The following AIG1 variants were observed in gnomAD, a reference collection of about 807,000 sequenced individuals.
AIG1 encodes the protein androgen induced 1.
Under a neutral mutation model 31.4 loss-of-function variants are expected in AIG1, and 23 were observed. The observed-to-expected ratio is 0.73, with a 90% CI of 0.53 to 1.04. The LOEUF is 1.04. Ranked by LOEUF, AIG1 falls within the 50% of genes least tolerant of loss-of-function variation. The pLI is 0.00. For missense variants in AIG1, 274 were observed against 295.0 expected (o/e 0.93, Z 0.52); for synonymous variants, 100 against 110.5 (o/e 0.90, Z 0.60).
At chr6:143,108,542 T>C (rs1781007751) in intron 1 of AIG1, among the ~76,000 whole-genome samples, 1 of 152,154 alleles carries the variant, frequency 6.6e-6, no homozygotes, top group Non-Finnish European at 1.5e-5. Flanking sequence ...ACTTAACAAC[T>C]TCAGCTGGGA....
intron 3 of AIG1, among the ~76,000 whole-genome samples, chr6:143,278,794 C>T (rs1033523905): frequency 6.6e-6 from 1 of 152,134 alleles, no homozygotes; most frequent in Admixed American, 6.6e-5. Context: ...TTTAGTGCCC[C>T]TCTATACTTA....
chr6:143,188,657 T>C, intron 3 of AIG1: 1 of 984,400 alleles, frequency 1.0e-6, no homozygotes, highest in Non-Finnish European at 1.2e-6. Context: ...TTTTAACAAA[T>C]AATAAATAAA....
rs924677114 is a variant in AIG1, at chr6:143,326,353, C to T, written c.516-6929C>T. Among the ~76,000 whole-genome samples the T allele has an allele frequency of 6.6e-6, 1 of 152,084 alleles. No homozygotes were observed. The highest frequency in any genetic ancestry group is 2.1e-4 in the South Asian group (1 of 4,828). On this transcript the variant is annotated intron_variant, in intron 4 of 5. Coordinates refer to ENST00000357847, the MANE Select transcript of AIG1 (RefSeq NM_016108.4). The surrounding 1 kb of genome is among the most constrained non-coding windows in gnomAD (Gnocchi z 4.5). ...TCTTGTTCTCAGTTCTTTAGACATG[C>T]CTTTTTTTGGCTAGAAAGTTCTTTC... is the stretch of plus-strand genomic sequence containing the variant.
chr6:143,300,969 T>A lies in AIG1; in HGVS notation c.515+16744T>A, dbSNP rs368330453. Among the ~76,000 whole-genome samples, 23 of 152,162 alleles carry A rather than the reference T, an allele frequency of 1.5e-4. No individual in the cohort carries two copies. In the East Asian group the frequency reaches 4.2e-3, roughly 28 times the overall value. Reference sequence around the variant, plus strand: ...TTTTTATTTTTATTTTATTTATTTCTTTTTTTTGAGACGGAGTCTCGCTCT... The same window carrying A: ...TTTTTATTTTTATTTTATTTATTTCATTTTTTTGAGACGGAGTCTCGCTCT... On this transcript the variant is annotated intron_variant, in intron 4 of 5. Transcript: ENST00000357847.
At chr6:143,151,021 A>C (rs1785178259) in intron 2 of AIG1, among the ~76,000 whole-genome samples, 1 of 152,232 alleles carries the variant, frequency 6.6e-6, no homozygotes, top group Non-Finnish European at 1.5e-5. Flanking sequence ...GCTCTCAAAC[A>C]GAAAGATTGC....
At chr6:143,235,720 T>C (rs957619477) in intron 3 of AIG1, among the ~76,000 whole-genome samples, 5 of 152,218 alleles carry the variant, frequency 3.3e-5, no homozygotes, top group African/African-American at 4.8e-5. Context: ...TTACGTGACA[T>C]GGATGCCTTC....
chr6:143,131,741 C>T lies in AIG1; in HGVS notation c.142-5094C>T, dbSNP rs116857597. Among the ~76,000 whole-genome samples the T allele has an allele frequency of 2.6e-4, 39 of 152,314 alleles. No homozygotes were observed. The East Asian group carries it at 4.2e-3, about 17-fold the overall frequency. On this transcript the variant is annotated intron_variant, in intron 1 of 5. Transcript: ENST00000357847. ...AGTAGATCTTTTCTTTTGGCCTCCACGTAAGGGCCTAGCTTGGCCAACACA... is the reference window on the plus strand; with the variant it reads ...AGTAGATCTTTTCTTTTGGCCTCCATGTAAGGGCCTAGCTTGGCCAACACA...
chr6:143,255,745 C>G (rs1203486979), intron 3 of AIG1, among the ~76,000 whole-genome samples: 1 of 151,926 alleles, frequency 6.6e-6, no homozygotes, highest in Admixed American at 6.6e-5. Flanking sequence ...GGATCACACT[C>G]TATGGAAATT....
chr6:143,315,807 CTCAGCCAT>C (rs1355170482), intron 4 of AIG1, among the ~76,000 whole-genome samples: 4 of 152,016 alleles, frequency 2.6e-5, no homozygotes, highest in Non-Finnish European at 4.4e-5. Context: ...ATCCACTTGA[CTCAGCCAT>C]GAGCAAAGGT....
chr6:143,151,119 A>T (rs1287826864), intron 2 of AIG1, among the ~76,000 whole-genome samples: 1 of 152,180 alleles, frequency 6.6e-6, no homozygotes, highest in Non-Finnish European at 1.5e-5. Context: ...CACTTTATTT[A>T]TACAGCATAG....
chr6:143,175,015 T>G (rs1411804541), intron 3 of AIG1, among the ~76,000 whole-genome samples: 1 of 152,258 alleles, frequency 6.6e-6, no homozygotes, highest in Non-Finnish European at 1.5e-5. Flanking sequence ...TATTGGCAGA[T>G]TCTCTCAGCA....
At chr6:143,315,920 A>T (rs181028274) in intron 4 of AIG1, among the ~76,000 whole-genome samples, 1 of 152,246 alleles carries the variant, frequency 6.6e-6, no homozygotes, top group Admixed American at 6.5e-5. Context: ...GGGGAAAAAA[A>T]GAGGGGAGAG....
intron 3 of AIG1, among the ~76,000 whole-genome samples, chr6:143,261,320 C>T (rs1168054833): frequency 1.2e-4 from 18 of 152,260 alleles, no homozygotes; most frequent in Admixed American, 2.0e-4. Flanking sequence ...TTAATAGAGA[C>T]GAGGTTTCTC....
intron 3 of AIG1, among the ~76,000 whole-genome samples, chr6:143,201,475 T>G (rs1181616855): frequency 6.6e-6 from 1 of 152,246 alleles, no homozygotes; most frequent in East Asian, 1.9e-4. Context: ...TGGTTGCCTT[T>G]GCGCTATATA....
At position 143,338,847 on chromosome 6, in the gene AIG1, A is replaced by G. The variant is rs1303563733; in HGVS notation, c.680-792A>G. 6.6e-6 allele frequency: 1 copy of G among 152,228 alleles called. No homozygotes were observed. Among genetic ancestry groups the G allele is most frequent in the Admixed American group, 6.5e-5 (1 of 15,278 alleles). 9.4% of individuals were successfully genotyped at this position (152,228 alleles called of 1,614,324 possible). On this transcript the variant is annotated intron_variant, in intron 5 of 5. Coordinates refer to ENST00000357847, the MANE Select transcript of AIG1 (RefSeq NM_016108.4). This position sits in a 1 kb window ranked among gnomAD's most constrained non-coding sequence, Gnocchi z 4.3. The stretch of plus-strand genomic sequence containing the variant: ...TTTCATTTTTGCTATTGAAACAAAG[A>G]AACTGAGAATTTGGTATGATTCAAA...
chr6:143,143,367 G>A (rs1784394124), intron 2 of AIG1, among the ~76,000 whole-genome samples: 1 of 149,636 alleles, frequency 6.7e-6, no homozygotes, highest in Non-Finnish European at 1.5e-5. Flanking sequence ...CGGGCTTGGT[G>A]GCGGGTGCCT....
rs71024844 is a variant in AIG1, at chr6:143,174,486, C to CAAA, written c.399+9323_399+9325dup. 3.1e-3 allele frequency among the ~76,000 whole-genome samples: 187 copies of CAAA among 59,606 alleles called. 5 individuals carry two copies. The East Asian group carries it at 0.052, about 16-fold the overall frequency. 39.1% of individuals were successfully genotyped at this position (59,606 alleles called of 152,430 possible). On this transcript the variant is annotated intron_variant, in intron 3 of 5. Transcript: ENST00000357847. ...TGGGTGACAGAGTGAGACTCCGTCT[C>CAAA]AAAAAAAAAAAAAAAAAAAAAAGAA...
At position 143,116,994 on chromosome 6, in the gene AIG1, G is replaced by A. The variant is rs567940758; in HGVS notation, c.142-19841G>A. On this transcript the variant is annotated intron_variant, in intron 1 of 5. Transcript: ENST00000357847. ...TCGACAAGGAACGAATCTCTGTTTC[G>A]CCATTCCCGGATTCCCTAGCTCAGA... Among the ~76,000 whole-genome samples the A allele has an allele frequency of 6.6e-5, 10 of 152,128 alleles. No homozygotes were observed. In the South Asian group the frequency reaches 1.0e-3, roughly 16 times the overall value.
At chr6:143,206,835 G>A (rs1791148242) in intron 3 of AIG1, among the ~76,000 whole-genome samples, 1 of 152,084 alleles carries the variant, frequency 6.6e-6, no homozygotes, top group Non-Finnish European at 1.5e-5. Flanking sequence ...TTTGGTAATA[G>A]GGCTGATGGA....
Sources: gnomAD v4.1 joint callset for allele counts (sites outside exome capture counted in the v4.1 genomes callset) on GRCh38, gnomAD v4.1.1 for gene constraint, Gnocchi (gnomAD v3.1) non-coding constraint, MANE v1.5 for transcripts, NCBI Gene and HGNC (gene_info 2026-07-23, HGNC 2026-07-21) for gene names.